RAD50: variants seen among roughly 807,000 people sequenced by gnomAD.
The protein encoded by RAD50 is DNA repair protein RAD50.
Under a neutral mutation model 168.8 loss-of-function variants are expected in RAD50, and 132 were observed. That is an observed-to-expected ratio of 0.78 (90% confidence interval 0.68 to 0.90). The LOEUF is 0.90. Among genes scored for constraint, RAD50 ranks in the 40% least tolerant of loss-of-function variants. The pLI, the probability that RAD50 is intolerant of heterozygous loss-of-function variation, is 0.00. For missense variants in RAD50, 1,347 were observed against 1,534.4 expected, an observed-to-expected ratio of 0.88 and a Z score of 2.04; for synonymous variants, 525 against 497.4, an observed-to-expected ratio of 1.06 and a Z score of -0.74.
chr5:132,609,536 C>A, intron 19 of RAD50, 140 bp downstream of exon 19: 2 of 1,375,018 alleles, frequency 1.5e-6, no homozygotes, highest in South Asian at 2.7e-5. Flanking sequence ...AATCCCTGCA[C>A]TTTGGAAGGC....
At chr5:132,639,369 AAAG>A (rs1465801528) in intron 23 of RAD50, among the ~76,000 whole-genome samples, 1 of 151,982 alleles carries the variant, frequency 6.6e-6, no homozygotes, top group Non-Finnish European at 1.5e-5. Context: ...AAAAAAAAAA[AAAG>A]AACATGCCAT....
At position 132,620,289 on chromosome 5, in the gene RAD50, G is replaced by T. The variant is rs143868100; in HGVS notation, c.3389+1995G>T. Among the ~76,000 whole-genome samples the T allele has an allele frequency of 5.5e-3, 831 of 152,162 alleles. 10 individuals are homozygous for T. Among genetic ancestry groups the T allele is most frequent in the African/African-American group, 0.018 (743 of 41,518 alleles). On this transcript the variant is annotated intron_variant, in intron 21 of 24. Transcript: ENST00000378823. Reference sequence around the variant, plus strand: ...TTTAATTCTAAGTTGAATTTTTTCCGTTATGAATAACTGGTTGTCTTGGCT... The same window carrying T: ...TTTAATTCTAAGTTGAATTTTTTCCTTTATGAATAACTGGTTGTCTTGGCT...
intron 5 of RAD50, among the ~76,000 whole-genome samples, chr5:132,587,176 G>A (rs1025364781): frequency 1.3e-5 from 2 of 152,036 alleles, no homozygotes; most frequent in South Asian, 2.1e-4. Flanking sequence ...AGAATGCATT[G>A]GTAACTCACC....
intron 19 of RAD50, among the ~76,000 whole-genome samples, chr5:132,614,549 A>C (rs1751142315): frequency 6.6e-6 from 1 of 152,102 alleles, no homozygotes; most frequent in South Asian, 2.1e-4. Flanking sequence ...TCCCTTATAT[A>C]AAATGGCATA....
At chr5:132,633,102 T>C (rs1039185687) in intron 21 of RAD50, among the ~76,000 whole-genome samples, 17 of 140,810 alleles carry the variant, frequency 1.2e-4, no homozygotes, top group African/African-American at 1.7e-4. Context: ...TTTTTTCTTT[T>C]TTTTTTTTTT....
chr5:132,564,472 T>G (rs1331597373), intron 2 of RAD50, among the ~76,000 whole-genome samples: 1 of 152,160 alleles, frequency 6.6e-6, no homozygotes, highest in Non-Finnish European at 1.5e-5. Flanking sequence ...GGAAGAAATT[T>G]CCAGGCAGCA....
At chr5:132,611,842 A>G (rs1751093403) in intron 19 of RAD50, among the ~76,000 whole-genome samples, 2 of 152,174 alleles carry the variant, frequency 1.3e-5, no homozygotes, top group South Asian at 4.1e-4. Flanking sequence ...ATAGTCTTCA[A>G]CAGACTTCGC....
In RAD50 at chr5:132,587,475, C is replaced by T. The variant is rs927168945; in HGVS notation, c.757-87C>T. On this transcript the variant is annotated intron_variant, in intron 5 of 24. Coordinates refer to ENST00000378823, the MANE Select transcript of RAD50 (RefSeq NM_005732.4). ...AAATGAGATCACTTTTACTAAATGC[C>T]TGGACCTGGAGTATCTTACTTGTCT... The T allele has an allele frequency of 3.2e-6, 5 of 1,550,004 alleles. No individual in the cohort carries two copies. In the Admixed American group the frequency reaches 7.7e-5, roughly 24 times the overall value.
At chr5:132,631,383 G>C (rs1751462705) in intron 21 of RAD50, among the ~76,000 whole-genome samples, 1 of 152,140 alleles carries the variant, frequency 6.6e-6, no homozygotes, top group Non-Finnish European at 1.5e-5. Flanking sequence ...GCCTCCCAAA[G>C]TGCTGGGATT....
chr5:132,621,102 A>T (rs1163466993), intron 21 of RAD50, among the ~76,000 whole-genome samples: 1 of 152,108 alleles, frequency 6.6e-6, no homozygotes. Flanking sequence ...TTACTTTTTA[A>T]TTTTTAAATA....
intron 13 of RAD50, among the ~76,000 whole-genome samples, chr5:132,596,112 G>A (rs1057418284): frequency 6.6e-6 from 1 of 151,828 alleles, no homozygotes; most frequent in Non-Finnish European, 1.5e-5. Context: ...CCATGCCTCA[G>A]CCTCTTCAGT....
Position 132,559,457 on chromosome 5 carries a change from A to C in RAD50, c.213+90A>C, listed in dbSNP as rs1433694403. 6 of 1,350,154 alleles carry C rather than the reference A, an allele frequency of 4.4e-6. No homozygotes were observed. In the East Asian group the frequency reaches 1.5e-4, roughly 35 times the overall value. The allele number at this position is 1,350,154 out of a possible 1,614,324, so 83.6% of individuals were successfully genotyped here. On this transcript the variant is annotated intron_variant, in intron 2 of 24. Transcript: ENST00000378823. Reference sequence around the variant, plus strand: ...AACTTGGCACTGGAAAACTATAAAGAGAAATGAAAGTCAGCCCCACACAGT... The same window carrying C: ...AACTTGGCACTGGAAAACTATAAAGCGAAATGAAAGTCAGCCCCACACAGT...
chr5:132,641,986 G>C (rs1751731929), intron 24 of RAD50, among the ~76,000 whole-genome samples, 192 bp from the exon 25 acceptor site: 1 of 152,206 alleles, frequency 6.6e-6, no homozygotes, highest in African/African-American at 2.4e-5. Flanking sequence ...TGTCCCTACT[G>C]TCTGGAGAGG....
intron 9 of RAD50, 63 bp downstream of exon 9, chr5:132,589,900 T>C (rs1750668663): frequency 7.0e-7 from 1 of 1,421,626 alleles, no homozygotes. Flanking sequence ...GTATTTTGTC[T>C]ATTTTTGATC....
Position 132,642,459 on chromosome 5 carries a change from T to C in RAD50, c.*95T>C. On this transcript the variant is annotated 3_prime_UTR_variant, in exon 25 of 25. Coordinates refer to ENST00000378823, the MANE Select transcript of RAD50 (RefSeq NM_005732.4). Reference sequence around the variant, plus strand: ...CATATCAACTTAGTCAATAAGAAAATATATTCTTTCAAAGGAACATTGTGT... The same window carrying C: ...CATATCAACTTAGTCAATAAGAAAACATATTCTTTCAAAGGAACATTGTGT... 2.6e-6 allele frequency: 3 copies of C among 1,158,354 alleles called. No homozygotes were observed. The highest frequency in any genetic ancestry group is 2.5e-6 in the Non-Finnish European group (2 of 808,336). The allele number at this position is 1,158,354 out of a possible 1,614,324, so 71.8% of individuals were successfully genotyped here.
intron 21 of RAD50, among the ~76,000 whole-genome samples, chr5:132,629,734 G>C (rs537207074): frequency 1.1e-4 from 17 of 152,224 alleles, no homozygotes; most frequent in African/African-American, 4.1e-4. Flanking sequence ...CAGTGTAATT[G>C]TTGCGTTCAG....
chr5:132,644,089 G>A lies in RAD50; in HGVS notation c.*1725G>A, dbSNP rs1751800058. 1 of 198,132 alleles carries A rather than the reference G, an allele frequency of 5.0e-6. No individual in the cohort carries two copies. The highest frequency in any genetic ancestry group is 2.3e-5 in the African/African-American group (1 of 43,462). The allele number at this position is 198,132 out of a possible 1,614,324, so 12.3% of individuals were successfully genotyped here. On this transcript the variant is annotated 3_prime_UTR_variant, in exon 25 of 25. Coordinates refer to ENST00000378823, the MANE Select transcript of RAD50 (RefSeq NM_005732.4). ...AGTTACCTTCTATCAACATGTTAATGAAAGTGCTAGTTGTTGCAGCAAAGA... is the reference window on the plus strand; with the variant it reads ...AGTTACCTTCTATCAACATGTTAATAAAAGTGCTAGTTGTTGCAGCAAAGA...
intron 3 of RAD50, among the ~76,000 whole-genome samples, chr5:132,579,085 A>T (rs1750452259): frequency 1.3e-5 from 2 of 152,226 alleles, no homozygotes; most frequent in Non-Finnish European, 2.9e-5. Flanking sequence ...TATGTAAAAA[A>T]TAAATTCTGG....
At chr5:132,560,637 A>C (rs974418605) in intron 2 of RAD50, among the ~76,000 whole-genome samples, 9 of 152,158 alleles carry the variant, frequency 5.9e-5, no homozygotes, top group African/African-American at 2.2e-4. Context: ...TTCTTGGATA[A>C]ATTATTTGTT....
Sources: gnomAD v4.1 joint callset for allele counts (sites outside exome capture counted in the v4.1 genomes callset) on GRCh38, gnomAD v4.1.1 for gene constraint, MANE v1.5 for transcripts, NCBI Gene and HGNC (gene_info 2026-07-23, HGNC 2026-07-21) for gene names.